SOS1: variants seen among roughly 807,000 people sequenced by gnomAD.
SOS1 encodes SOS Ras/Rac guanine nucleotide exchange factor 1.
A neutral mutation model predicts 157.6 loss-of-function variants in SOS1; 25 were observed. That is an observed-to-expected ratio of 0.16 (90% CI 0.12 to 0.22). The LOEUF (loss-of-function observed/expected upper bound fraction) is 0.22. SOS1 is among the 10% of genes least tolerant of loss of function. The probability of loss-of-function intolerance (pLI) is 1.00; values close to 1 mark genes in which losing one functional copy is unlikely to be tolerated. For missense variants in SOS1, 1,237 were observed against 1,599.1 expected (o/e 0.77, Z 3.86); for synonymous variants, 528 against 534.0 (o/e 0.99, Z 0.16).
chr2:39,084,539 A>G (rs1301961681), intron 1 of SOS1, among the ~76,000 whole-genome samples: 1 of 152,140 alleles, frequency 6.6e-6, no homozygotes, highest in Non-Finnish European at 1.5e-5. Flanking sequence ...AGAATGAATC[A>G]TTCCTCCCCC....
At chr2:39,118,537 A>G (rs1052684203) in intron 1 of SOS1, among the ~76,000 whole-genome samples, 1 of 152,220 alleles carries the variant, frequency 6.6e-6, no homozygotes, top group South Asian at 2.1e-4. Context: ...CTGCAAAAGT[A>G]TCTCTAACTT....
intron 1 of SOS1, among the ~76,000 whole-genome samples, chr2:39,111,335 T>C (rs1673428096): frequency 6.6e-6 from 1 of 152,178 alleles, no homozygotes; most frequent in South Asian, 2.1e-4. Context: ...AATTATAAAA[T>C]CTGGGTGATG....
chr2:39,115,599 G>A (rs1478703425), intron 1 of SOS1, among the ~76,000 whole-genome samples: 1 of 151,460 alleles, frequency 6.6e-6, no homozygotes, highest in Non-Finnish European at 1.5e-5. Context: ...AAATGTTTTG[G>A]CTAATTTTTT....
At chr2:39,070,897 C>A (rs193064799) in intron 1 of SOS1, among the ~76,000 whole-genome samples, 1,855 of 152,296 alleles carry the variant, frequency 0.012, 14 homozygotes, top group South Asian at 0.027. Flanking sequence ...GAGTCTCGCT[C>A]TGTCACTCAG....
At chr2:39,062,269 T>C (rs1318451784) in intron 2 of SOS1, among the ~76,000 whole-genome samples, 3 of 151,330 alleles carry the variant, frequency 2.0e-5, no homozygotes, top group Non-Finnish European at 4.4e-5. Context: ...AATACAAAAA[T>C]TAGCCAAGCA....
intron 1 of SOS1, among the ~76,000 whole-genome samples, chr2:39,068,697 T>C (rs1671676814): frequency 6.6e-6 from 1 of 152,144 alleles, no homozygotes; most frequent in Admixed American, 6.5e-5. Context: ...TCTTTAATTT[T>C]TTTTTTTTTT....
At chr2:39,089,245 C>T (rs1439505826) in intron 1 of SOS1, among the ~76,000 whole-genome samples, 1 of 152,144 alleles carries the variant, frequency 6.6e-6, no homozygotes, top group East Asian at 1.9e-4. Flanking sequence ...CCAACCTGGC[C>T]CGGCACAGTG....
intron 1 of SOS1, among the ~76,000 whole-genome samples, chr2:39,086,970 A>G (rs1672399378): frequency 6.6e-6 from 1 of 151,886 alleles, no homozygotes; most frequent in Non-Finnish European, 1.5e-5. Flanking sequence ...CCACCACCAC[A>G]TCTGGCTAAT....
intron 17 of SOS1, among the ~76,000 whole-genome samples, chr2:39,000,823 G>T (rs767290796): frequency 1.3e-4 from 20 of 152,184 alleles, no homozygotes; most frequent in African/African-American, 4.8e-4. Context: ...AAAGGTTTTC[G>T]ATTGAATGAA....
intron 1 of SOS1, among the ~76,000 whole-genome samples, chr2:39,109,607 A>G (rs1438457857): frequency 6.6e-6 from 1 of 152,210 alleles, no homozygotes; most frequent in African/African-American, 2.4e-5. Context: ...ACACTGGAAT[A>G]TAAAGAGTTG....
chr2:39,116,657 C>T (rs1402239418), intron 1 of SOS1, among the ~76,000 whole-genome samples: 2 of 152,112 alleles, frequency 1.3e-5, no homozygotes, highest in Non-Finnish European at 2.9e-5. Flanking sequence ...ATGGCTTGAG[C>T]CCAGGAGTTC....
At position 38,986,025 on chromosome 2, in the gene SOS1, G is replaced by A. The variant is rs747676700; in HGVS notation, c.3801C>T (p.His1267=). The A allele has an allele frequency of 1.8e-5, 29 of 1,613,802 alleles. No individual in the cohort carries two copies. The highest frequency in any genetic ancestry group is 1.8e-4 in the South Asian group (16 of 91,082). Residue 1267 remains histidine, a synonymous_variant, in exon 23 of 23, where the codon CAC becomes CAT. Coordinates refer to ENST00000402219, the MANE Select transcript of SOS1 (RefSeq NM_005633.4). ...TPPPPQTPSP[H]GTRRHLPSPP... ...GTGATGGCAGATGCCTTCTTGTGCC[G>A]TGAGGAGAAGGTGTTTGAGGAGGAG...
In SOS1 at chr2:38,995,268, C is replaced by T. The variant is rs1572804622; in HGVS notation, c.3201G>A (p.Arg1067=). The T allele has an allele frequency of 1.2e-6, 2 of 1,613,986 alleles. No homozygotes were observed. Among genetic ancestry groups the T allele is most frequent in the Non-Finnish European group, 1.7e-6 (2 of 1,179,942 alleles). Residue 1067 remains arginine, a synonymous_variant, in exon 20 of 23, where the codon AGG becomes AGA. Coordinates refer to ENST00000402219, the MANE Select transcript of SOS1 (RefSeq NM_005633.4). ...TACTTTCTGTTTCACTTTCAGGGAT[C>T]CTACTATAACTAATTTTCCTTGGCT... ...QQEPRKISYS[R]IPESETESTA...
At chr2:39,011,667 G>T (rs1255720814) in intron 14 of SOS1, among the ~76,000 whole-genome samples, 1 of 152,176 alleles carries the variant, frequency 6.6e-6, no homozygotes, top group Admixed American at 6.5e-5. Flanking sequence ...GATTAAAAAA[G>T]ACTATAATGG....
At chr2:39,097,963 A>T (rs1005955448) in intron 1 of SOS1, among the ~76,000 whole-genome samples, 4 of 152,214 alleles carry the variant, frequency 2.6e-5, no homozygotes, top group Non-Finnish European at 5.9e-5. Flanking sequence ...TTAAATTTAC[A>T]TATTTTTATT....
At chr2:39,034,496 G>C (rs1670275486) in intron 8 of SOS1, among the ~76,000 whole-genome samples, 1 of 152,094 alleles carries the variant, frequency 6.6e-6, no homozygotes, top group African/African-American at 2.4e-5. Context: ...GTCTTCTTTT[G>C]TCTTTACAAG....
chr2:39,034,005 T>C (rs191467248), intron 8 of SOS1, among the ~76,000 whole-genome samples: 135 of 152,346 alleles, frequency 8.9e-4, no homozygotes, highest in African/African-American at 3.2e-3. Context: ...TGTCCCATTA[T>C]AACTATAGTT....
intron 1 of SOS1, among the ~76,000 whole-genome samples, chr2:39,110,068 G>GTGTGTGTGTGTT (rs1395301175): frequency 0.011 from 1,585 of 148,496 alleles, 34 homozygotes; most frequent in African/African-American, 0.039. Flanking sequence ...GTGTGTGTGT[G>GTGTGTGTGTGTT]TGTGTGTGTG....
At chr2:39,040,000 C>G (rs1307258067) in intron 6 of SOS1, among the ~76,000 whole-genome samples, 2 of 151,768 alleles carry the variant, frequency 1.3e-5, no homozygotes, top group African/African-American at 4.8e-5. Context: ...TTTCAACACC[C>G]CCTTTTATTT....
Sources: allele counts gnomAD v4.1 joint callset (sites outside exome capture counted in the v4.1 genomes callset), GRCh38; gene constraint gnomAD v4.1.1; transcripts MANE v1.5; gene names NCBI Gene and HGNC (gene_info 2026-07-23, HGNC 2026-07-21).